TET2: variants seen among roughly 807,000 people sequenced by gnomAD.
TET2 encodes methylcytosine dioxygenase TET2.
Under a neutral mutation model 142.9 loss-of-function variants are expected in TET2, and 299 were observed. That is an observed-to-expected ratio of 2.09 (90% CI 1.90 to 2.30). The LOEUF is 2.30. TET2 is among the 30% of genes most tolerant of loss of function. The pLI is 0.00. For missense variants in TET2, 2,418 were observed against 2,378.0 expected (o/e 1.02, Z -0.35); for synonymous variants, 819 against 849.0 (o/e 0.96, Z 0.61).
chr4:105,233,299 G>T (rs1228139526), intron 2 of TET2, among the ~76,000 whole-genome samples: 1 of 150,700 alleles, frequency 6.6e-6, no homozygotes. Flanking sequence ...CAGGAGAATT[G>T]CTTGAACCTG....
intron 1 of TET2, among the ~76,000 whole-genome samples, chr4:105,166,461 G>A (rs1250266738): frequency 3.3e-5 from 5 of 151,738 alleles, no homozygotes; most frequent in Non-Finnish European, 7.4e-5. Flanking sequence ...TTTGATGAAT[G>A]AAATACACTT....
intron 1 of TET2, among the ~76,000 whole-genome samples, chr4:105,161,604 C>T (rs534715377): frequency 1.3e-5 from 2 of 152,248 alleles, no homozygotes; most frequent in Admixed American, 1.3e-4. Flanking sequence ...CCCTCTTTCT[C>T]GGACCTTTGT....
intron 6 of TET2, among the ~76,000 whole-genome samples, chr4:105,245,658 C>A (rs1048633213): frequency 6.6e-6 from 1 of 151,966 alleles, no homozygotes; most frequent in Non-Finnish European, 1.5e-5. Context: ...TACCCTGACT[C>A]CTCTTGCTCT....
In TET2 at chr4:105,163,916, A is replaced by G. The variant is rs369754541; in HGVS notation, c.-193+16937A>G. ...CAGCTTTGTTGAGGTATAATTGACA[A>G]GTAAACAGTCCACAAAACTGTACAC... On this transcript the variant is annotated intron_variant, in intron 1 of 10. Coordinates refer to ENST00000380013, the MANE Select transcript of TET2 (RefSeq NM_001127208.3). Among the ~76,000 whole-genome samples, 37 of 150,304 alleles carry G rather than the reference A, an allele frequency of 2.5e-4. 1 individual carries two copies. The South Asian group carries it at 7.8e-3, about 32-fold the overall frequency.
chr4:105,275,570 A>G lies in TET2; in HGVS notation c.5060A>G (p.Gln1687Arg). The change falls in exon 11 of 11, where the codon CAG becomes CGG. Residue 1687 changes from glutamine (Q) to arginine (R), a missense_variant. Coordinates refer to ENST00000380013, the MANE Select transcript of TET2 (RefSeq NM_001127208.3). ...TACCAGCCAAGGTTTGGAAATAGCCAGAGTTTTACATCTAAATACTTAGGT... is the reference window on the plus strand; with the variant it reads ...TACCAGCCAAGGTTTGGAAATAGCCGGAGTTTTACATCTAAATACTTAGGT... ...TLYQPRFGNS[Q>R]SFTSKYLGYG... 1 of 1,551,722 alleles carries G rather than the reference A, an allele frequency of 6.4e-7. No homozygotes were observed. The highest frequency in any genetic ancestry group is 8.7e-7 in the Non-Finnish European group (1 of 1,146,974).
In TET2 at chr4:105,236,087, CT is replaced by C. The variant is rs1252806482; in HGVS notation, c.2146del (p.Ser716HisfsTer35). ...QASETEPFSN[S>X]HLLQHKPHKQ... ...CTTCAGAGACTGAGCCATTTTCAAA[CT>C]CACACCTTTTGCAACATAAGCCTCA... On this transcript the variant is annotated frameshift_variant, in exon 3 of 11. Transcript: ENST00000380013. LOFTEE classifies it high-confidence loss of function. 1 of 1,614,060 alleles carries C rather than the reference CT, an allele frequency of 6.2e-7. No individual in the cohort carries two copies.
chr4:105,167,142 ATATTT>A (rs1724192917), intron 1 of TET2, among the ~76,000 whole-genome samples: 1 of 151,768 alleles, frequency 6.6e-6, no homozygotes, highest in African/African-American at 2.4e-5. Flanking sequence ...TTATCTCTGT[ATATTT>A]TATTTTCTCA....
chr4:105,203,762 T>A (rs1203911677), intron 2 of TET2, among the ~76,000 whole-genome samples: 1 of 152,140 alleles, frequency 6.6e-6, no homozygotes, highest in Non-Finnish European at 1.5e-5. Context: ...CTTGAGGAAA[T>A]GTCTTGGGAA....
intron 2 of TET2, among the ~76,000 whole-genome samples, chr4:105,201,567 G>A (rs1726467559): frequency 6.6e-6 from 1 of 151,956 alleles, no homozygotes; most frequent in African/African-American, 2.4e-5. Context: ...TGTGAGAGTT[G>A]TGTTTTTTTA....
chr4:105,234,531 A>G lies in TET2; in HGVS notation c.589A>G (p.Ile197Val). 1 of 1,614,144 alleles carries G rather than the reference A, an allele frequency of 6.2e-7. No homozygotes were observed. Among genetic ancestry groups the G allele is most frequent in the Non-Finnish European group, 8.5e-7 (1 of 1,180,014 alleles). The part of the protein sequence containing the change: ...GKSANYHDKN[I>V]VLLKNKAVLM... ...AAGTGCTAATTACCATGACAAGAAC[A>G]TTGTATTACTTAAAAACAAGGCAGT... is the stretch of plus-strand genomic sequence containing the variant. The change falls in exon 3 of 11, where the codon ATT becomes GTT. Residue 197 changes from isoleucine (I) to valine (V), a missense_variant. Ile to Val is a conservative substitution (Grantham distance 29). Transcript: ENST00000380013.
chr4:105,199,641 G>A (rs1368419020), intron 2 of TET2, among the ~76,000 whole-genome samples: 1 of 152,082 alleles, frequency 6.6e-6, no homozygotes, highest in East Asian at 1.9e-4. Flanking sequence ...TCATCACCCA[G>A]GTATTAAGCC....
chr4:105,259,611 T>C lies in TET2; in HGVS notation c.3804-8T>C. The C allele has an allele frequency of 6.5e-7, 1 of 1,550,378 alleles. No individual in the cohort carries two copies. The highest frequency in any genetic ancestry group is 8.7e-7 in the Non-Finnish European group (1 of 1,146,180). ...CATAGCAATGAATTTGGTCTTTTGATTTTTCAGGAGAACTTGCGCCTGTCA... is the reference window on the plus strand; with the variant it reads ...CATAGCAATGAATTTGGTCTTTTGACTTTTCAGGAGAACTTGCGCCTGTCA... On this transcript the variant is annotated splice_region_variant and splice_polypyrimidine_tract_variant and intron_variant, in intron 6 of 10. Transcript: ENST00000380013.
intron 9 of TET2, among the ~76,000 whole-genome samples, chr4:105,271,596 C>T (rs1266614171): frequency 1.3e-5 from 2 of 152,146 alleles, no homozygotes; most frequent in Admixed American, 1.3e-4. Context: ...AAGTGACAGG[C>T]TCATTAATAC....
chr4:105,236,430 A>AT lies in TET2; in HGVS notation c.2489dup (p.Gln831ThrfsTer15). Reference sequence around the variant, plus strand: ...GACCATGAAATCAAGTGCATGCAAAATACAGGTTTCTTGTTCAAACAATAC... The same window carrying AT: ...GACCATGAAATCAAGTGCATGCAAAATTACAGGTTTCTTGTTCAAACAATAC... On this transcript the variant is annotated frameshift_variant, in exon 3 of 11. Transcript: ENST00000380013. LOFTEE classifies it high-confidence loss of function. The AT allele has an allele frequency of 6.2e-7, 1 of 1,614,128 alleles. No individual in the cohort carries two copies. The highest frequency in any genetic ancestry group is 8.5e-7 in the Non-Finnish European group (1 of 1,180,020).
chr4:105,157,032 C>T (rs1286127232), intron 1 of TET2, among the ~76,000 whole-genome samples: 1 of 152,142 alleles, frequency 6.6e-6, no homozygotes, highest in Non-Finnish European at 1.5e-5. Context: ...ACTTTGAGCA[C>T]CCTGTAATTA....
intron 1 of TET2, among the ~76,000 whole-genome samples, chr4:105,161,206 G>A (rs572029466): frequency 1.3e-5 from 2 of 152,268 alleles, no homozygotes; most frequent in South Asian, 4.1e-4. Flanking sequence ...TACCAAAAGA[G>A]TGACTTATTT....
chr4:105,269,374 G>A (rs1730838290), intron 8 of TET2, among the ~76,000 whole-genome samples: 1 of 152,042 alleles, frequency 6.6e-6, no homozygotes, highest in Admixed American at 6.6e-5. Context: ...TTTTGGTTGT[G>A]ACAAATATAT....
At position 105,272,692 on chromosome 4, in the gene TET2, G is replaced by GA. The variant is rs777908833; in HGVS notation, c.4317dup (p.Arg1440ThrfsTer38). ...TTGGGAGTGTGGAAGCTCAGGAGGA[G>GA]AAAAAACGGAGTGGTGCCATTCAGG... is the stretch of plus-strand genomic sequence containing the variant. On this transcript the variant is annotated frameshift_variant, in exon 10 of 11. Coordinates refer to ENST00000380013, the MANE Select transcript of TET2 (RefSeq NM_001127208.3). LOFTEE classifies it high-confidence loss of function. The GA allele has an allele frequency of 1.2e-5, 18 of 1,551,532 alleles. No individual in the cohort carries two copies. The highest frequency in any genetic ancestry group is 1.3e-5 in the Non-Finnish European group (15 of 1,146,970).
Position 105,275,426 on chromosome 4 carries a change from T to A in TET2, c.4916T>A (p.Val1639Glu), listed in dbSNP as rs1731161992. 6.4e-7 allele frequency: 1 copy of A among 1,551,644 alleles called. No homozygotes were observed. The change falls in exon 11 of 11, where the codon GTG becomes GAG. Residue 1639 changes from valine to glutamate, a missense_variant. By Grantham distance (121) the Val-to-Glu change is moderately radical (BLOSUM62 -2). Coordinates refer to ENST00000380013, the MANE Select transcript of TET2 (RefSeq NM_001127208.3). Reference protein sequence around the residue: ...PSYQCNGNLSVDNCSPYLGSY... With the variant: ...PSYQCNGNLSEDNCSPYLGSY... ...TATCAATGCAATGGAAACCTATCAG[T>A]GGACAACTGCTCCCCATATCTGGGT...
Sources: allele counts gnomAD v4.1 joint callset (sites outside exome capture counted in the v4.1 genomes callset), GRCh38; gene constraint gnomAD v4.1.1; transcripts MANE v1.5; gene names NCBI Gene and HGNC (gene_info 2026-07-23, HGNC 2026-07-21).